UGT1A7: variants seen among roughly 807,000 people sequenced by gnomAD.
UGT1A7 encodes the protein UDP glucuronosyltransferase family 1 member A7, also known as UDP-glucuronosyltransferase 1A7.
Under a neutral mutation model 45.6 loss-of-function variants are expected in UGT1A7, and 33 were observed. The ratio of observed to expected loss-of-function variants is 0.72; its 90% CI spans 0.55 to 0.97. The LOEUF (loss-of-function observed/expected upper bound fraction) is 0.97. Among genes scored for constraint, UGT1A7 ranks in the 50% least tolerant of loss-of-function variants. The probability of loss-of-function intolerance (pLI) is 0.00; values close to 1 mark genes in which losing one functional copy is unlikely to be tolerated. For synonymous variants in UGT1A7, 274 were observed against 250.6 expected (o/e 1.09, Z -0.88); for missense variants, 684 against 666.2 (o/e 1.03, Z -0.29).
intron 1 of UGT1A7, among the ~76,000 whole-genome samples, chr2:233,726,278 A>T (rs548858738): frequency 6.6e-6 from 1 of 152,236 alleles, no homozygotes; most frequent in Non-Finnish European, 1.5e-5. Context: ...CTATGGTCCC[A>T]GGTACTTGGG....
chr2:233,698,878 C>T (rs958200005), intron 1 of UGT1A7, among the ~76,000 whole-genome samples: 1 of 152,216 alleles, frequency 6.6e-6, no homozygotes, highest in Non-Finnish European at 1.5e-5. Flanking sequence ...GCGACTTTGA[C>T]CAAAGCCTTA....
intron 1 of UGT1A7, among the ~76,000 whole-genome samples, chr2:233,748,288 C>A (rs1342062213): frequency 1.3e-5 from 2 of 151,844 alleles, no homozygotes; most frequent in South Asian, 2.1e-4. Flanking sequence ...AAGAGGCAGA[C>A]ATGAATGTTT....
intron 1 of UGT1A7, among the ~76,000 whole-genome samples, chr2:233,721,053 C>T (rs2076919169): frequency 6.6e-6 from 1 of 152,004 alleles, no homozygotes; most frequent in Admixed American, 6.6e-5. Flanking sequence ...CCTTTTTTGT[C>T]ATATTCACTG....
At chr2:233,690,556 G>A (rs1318268552) in intron 1 of UGT1A7, 1 of 1,289,304 alleles carries the variant, frequency 7.8e-7, no homozygotes, top group East Asian at 5.6e-5. Flanking sequence ...TATGTCCCAA[G>A]CCTGAGTCAT....
chr2:233,733,997 C>T (rs1054859436), intron 1 of UGT1A7, among the ~76,000 whole-genome samples: 1 of 151,958 alleles, frequency 6.6e-6, no homozygotes, highest in African/African-American at 2.4e-5. Context: ...AGGAGATATA[C>T]CTAATGTTAA....
intron 1 of UGT1A7, among the ~76,000 whole-genome samples, chr2:233,735,640 G>A (rs879325223): frequency 3.9e-5 from 6 of 152,140 alleles, no homozygotes; most frequent in Admixed American, 3.9e-4. Flanking sequence ...TTTTTGCAGT[G>A]GCTGGTACTG....
chr2:233,755,003 C>T (rs10929301), intron 1 of UGT1A7: 15 of 1,287,722 alleles, frequency 1.2e-5, no homozygotes, highest in Non-Finnish European at 1.6e-5. Flanking sequence ...AGCTGAAGAC[C>T]TACTCGAAGG....
intron 1 of UGT1A7, among the ~76,000 whole-genome samples, chr2:233,723,536 TA>T (rs756280025): frequency 2.5e-5 from 3 of 121,442 alleles, no homozygotes; most frequent in African/African-American, 3.3e-5. Flanking sequence ...TTTTTTTTTT[TA>T]ATTTATTTTT....
intron 1 of UGT1A7, among the ~76,000 whole-genome samples, chr2:233,758,576 G>A (rs1696917059): frequency 6.6e-6 from 1 of 152,184 alleles, no homozygotes; most frequent in Admixed American, 6.5e-5. Context: ...AAAAAATGAA[G>A]AGTGTTTGGG....
intron 1 of UGT1A7, chr2:233,743,807 T>G (rs760730105): frequency 2.2e-6 from 3 of 1,367,334 alleles, no homozygotes; most frequent in East Asian, 4.6e-5. Context: ...CTCCTTGTTC[T>G]CAGGGTTTTT....
intron 1 of UGT1A7, among the ~76,000 whole-genome samples, chr2:233,708,182 G>A (rs1229974641): frequency 3.9e-5 from 6 of 152,168 alleles, no homozygotes; most frequent in Admixed American, 3.3e-4. Context: ...TTACTGTGTC[G>A]TGCACATTTT....
intron 1 of UGT1A7, chr2:233,747,709 C>A (rs1194057066): frequency 6.2e-7 from 1 of 1,612,868 alleles, no homozygotes; most frequent in Non-Finnish European, 8.5e-7. Context: ...AAGTACCTAT[C>A]AATTCCTGCT....
chr2:233,690,315 G>T (rs2074985024), intron 1 of UGT1A7, among the ~76,000 whole-genome samples: 1 of 152,108 alleles, frequency 6.6e-6, no homozygotes, highest in Admixed American at 6.5e-5. Context: ...TTACTTATGG[G>T]TCGTAGGTCA....
chr2:233,683,596 T>A (rs1209993411), intron 1 of UGT1A7, among the ~76,000 whole-genome samples: 1 of 152,220 alleles, frequency 6.6e-6, no homozygotes, highest in Non-Finnish European at 1.5e-5. Context: ...TATGAATCCC[T>A]CATTATTTAT....
At chr2:233,726,742 G>A (rs1437443163) in intron 1 of UGT1A7, among the ~76,000 whole-genome samples, 1 of 152,226 alleles carries the variant, frequency 6.6e-6, no homozygotes, top group African/African-American at 2.4e-5. Context: ...TTGTGGGGCT[G>A]TGATTCTGCC....
intron 1 of UGT1A7, among the ~76,000 whole-genome samples, chr2:233,727,709 G>A (rs1490010404): frequency 6.6e-6 from 1 of 152,172 alleles, no homozygotes; most frequent in Non-Finnish European, 1.5e-5. Context: ...AGTTCCCAAA[G>A]CCCTTGCAGA....
In UGT1A7 at chr2:233,755,092, A is replaced by T. The variant is rs549594693; in HGVS notation, c.856-11942A>T. ...TAGCGGTCATAGATATCGCGTTTCT[A>T]CGCGTCCGACAACACCTCGTAGGCC... On this transcript the variant is annotated intron_variant, in intron 1 of 4. Transcript: ENST00000373426. 773 of 1,335,120 alleles carry T rather than the reference A, an allele frequency of 5.8e-4. 7 individuals carry two copies. Among genetic ancestry groups the T allele is most frequent in the Non-Finnish European group, 7.2e-4 (712 of 992,672 alleles). 82.7% of individuals were successfully genotyped at this position (1,335,120 alleles called of 1,614,324 possible).
chr2:233,764,644 T>C (rs1207415683), intron 1 of UGT1A7, among the ~76,000 whole-genome samples: 1 of 151,998 alleles, frequency 6.6e-6, no homozygotes, highest in African/African-American at 2.4e-5. Context: ...CTAGGAAATT[T>C]AAGTAAGCCA....
rs1177924904 is a variant in UGT1A7 at position 233,693,377 on chromosome 2, A to G, written c.855+10585A>G. The G allele has an allele frequency of 3.7e-6, 6 of 1,614,142 alleles. No individual in the cohort carries two copies. Among genetic ancestry groups the G allele is most frequent in the Non-Finnish European group, 2.5e-6 (3 of 1,180,026 alleles). On this transcript the variant is annotated intron_variant, in intron 1 of 4. Transcript: ENST00000373426. ...GATTGTTATTGGCCTGTACTTCATCAACTGCCAGAGCCTCCTGCAGGACAG... is the reference window on the plus strand; with the variant it reads ...GATTGTTATTGGCCTGTACTTCATCGACTGCCAGAGCCTCCTGCAGGACAG...
Sources: gnomAD v4.1 joint callset for allele counts (sites outside exome capture counted in the v4.1 genomes callset) on GRCh38, gnomAD v4.1.1 for gene constraint, MANE v1.5 for transcripts, NCBI Gene and HGNC (gene_info 2026-07-23, HGNC 2026-07-21) for gene names.